Variants in ZNF536 observed in about 807,000 individuals in gnomAD.
The protein encoded by ZNF536 is zinc finger protein 536.
In ZNF536, 13 loss-of-function variants were observed where a neutral mutation model predicts 84.5. That is an observed-to-expected ratio of 0.15 (90% confidence interval 0.10 to 0.24). ZNF536 has a LOEUF of 0.24. Among genes scored for constraint, ZNF536 ranks in the 10% least tolerant of loss-of-function variants. The pLI, the probability that ZNF536 is intolerant of heterozygous loss-of-function variation, is 1.00. For synonymous variants in ZNF536, 811 were observed against 742.5 expected (o/e 1.09, Z -1.50); for missense variants, 1,536 against 1,747.5 (o/e 0.88, Z 2.16).
intron 3 of ZNF536, among the ~76,000 whole-genome samples, chr19:30,542,056 A>C (rs775741188): frequency 5.3e-5 from 8 of 152,232 alleles, no homozygotes; most frequent in Non-Finnish European, 1.0e-4. Flanking sequence ...ACAGGAAAAT[A>C]TTCAGTTGCT....
At chr19:30,443,043 G>GT (rs199802157) in intron 1 of ZNF536, among the ~76,000 whole-genome samples, 2,013 of 135,448 alleles carry the variant, frequency 0.015, 26 homozygotes, top group South Asian at 0.052. Context: ...TTTTTTGTTT[G>GT]TTTTTTTTTT....
chr19:30,471,588 C>T (rs568442489), intron 2 of ZNF536, among the ~76,000 whole-genome samples: 1 of 152,328 alleles, frequency 6.6e-6, no homozygotes, highest in Non-Finnish European at 1.5e-5. Flanking sequence ...GCCAGCTGTC[C>T]TTGATCCCTG....
intron 2 of ZNF536, among the ~76,000 whole-genome samples, chr19:30,466,731 G>A (rs1488874831): frequency 1.1e-3 from 140 of 123,870 alleles, no homozygotes; most frequent in African/African-American, 3.8e-3. Context: ...GAAGGAAGGA[G>A]GGAGGGAGGG....
intron 1 of ZNF536, among the ~76,000 whole-genome samples, chr19:30,414,025 G>A (rs528148220): frequency 1.7e-4 from 25 of 147,748 alleles, no homozygotes; most frequent in Admixed American, 4.1e-4. Context: ...TCTGGGAGGT[G>A]GAGGTTGCAG....
chr19:30,517,688 G>A (rs894608538), intron 2 of ZNF536, among the ~76,000 whole-genome samples: 2 of 152,106 alleles, frequency 1.3e-5, no homozygotes, highest in African/African-American at 2.4e-5. Flanking sequence ...AGGCTGACAC[G>A]GGAGGATTGT....
intron 2 of ZNF536, among the ~76,000 whole-genome samples, chr19:30,302,233 G>A (rs945546685): frequency 6.6e-6 from 1 of 152,208 alleles, no homozygotes; most frequent in Non-Finnish European, 1.5e-5. Flanking sequence ...GTGTTGCTCT[G>A]CTGCAAGTCC....
chr19:30,617,333 CTTTTTTTTTTTTTTTTTTTT>C (rs556835599), intron 1 of ZNF536, among the ~76,000 whole-genome samples: 2 of 37,710 alleles, frequency 5.3e-5, no homozygotes, highest in African/African-American at 1.4e-4. Flanking sequence ...GAATAGCTTA[CTTTTTTTTTTTTTTTTTTTT>C]TTTTTTTTTT....
intron 1 of ZNF536, among the ~76,000 whole-genome samples, chr19:30,593,894 G>T (rs1469944931): frequency 6.6e-6 from 1 of 152,210 alleles, no homozygotes; most frequent in Non-Finnish European, 1.5e-5. Flanking sequence ...ACTTTTCAAA[G>T]TAGAGCCTTG....
intron 1 of ZNF536, among the ~76,000 whole-genome samples, chr19:30,240,786 A>G (rs1291974874): frequency 2.6e-5 from 4 of 152,212 alleles, no homozygotes; most frequent in African/African-American, 7.2e-5. Context: ...GAATAGATGA[A>G]CAAGAAGTGA....
chr19:30,410,988 A>G (rs1443835938), intron 1 of ZNF536, among the ~76,000 whole-genome samples: 1 of 152,202 alleles, frequency 6.6e-6, no homozygotes, highest in Non-Finnish European at 1.5e-5. Flanking sequence ...AGATCTATTT[A>G]ATTCTCTTAA....
intron 1 of ZNF536, among the ~76,000 whole-genome samples, chr19:30,400,778 GGT>G (rs1377000259): frequency 1.3e-5 from 2 of 152,080 alleles, no homozygotes; most frequent in African/African-American, 4.8e-5. Flanking sequence ...TCAGATACAT[GGT>G]TTGCAAACAT....
At chr19:30,546,221 G>A (rs1488564052) in intron 3 of ZNF536, among the ~76,000 whole-genome samples, 2 of 152,194 alleles carry the variant, frequency 1.3e-5, no homozygotes, top group African/African-American at 4.8e-5. Context: ...TCTAACCTGG[G>A]ACTGACTCCA....
At chr19:30,246,708 T>TCCTG (rs2024300333) in intron 1 of ZNF536, among the ~76,000 whole-genome samples, 1 of 152,208 alleles carries the variant, frequency 6.6e-6, no homozygotes, top group African/African-American at 2.4e-5. Context: ...TAGAATGATC[T>TCCTG]CCTGTTGAAT....
intron 2 of ZNF536, among the ~76,000 whole-genome samples, chr19:30,474,960 CCTCT>C (rs1323911432): frequency 6.7e-6 from 1 of 149,458 alleles, no homozygotes; most frequent in Admixed American, 6.7e-5. Context: ...CCCTTCCCTT[CCTCT>C]CTCTCTCCTT....
intron 1 of ZNF536, among the ~76,000 whole-genome samples, chr19:30,404,930 C>G (rs539008274): frequency 1.4e-3 from 213 of 152,340 alleles, no homozygotes; most frequent in African/African-American, 4.8e-3. Context: ...ATGACCCCCT[C>G]TTTGGGTCCT....
rs537781499 is a variant in ZNF536 at position 30,447,883 on chromosome 19, G to A, written c.2170+2151G>A. Among the ~76,000 whole-genome samples the A allele has an allele frequency of 2.6e-5, 4 of 152,240 alleles. No individual in the cohort carries two copies. In the South Asian group the frequency reaches 8.3e-4, roughly 32 times the overall value. On this transcript the variant is annotated intron_variant, in intron 2 of 4. Coordinates refer to ENST00000355537, the MANE Select transcript of ZNF536 (RefSeq NM_014717.3). The stretch of plus-strand genomic sequence containing the variant: ...AGACCTCCTGAAATGTAAGGGTCTC[G>A]GCAGAATATTCTGACACCAAATGTT...
chr19:30,335,483 C>T (rs1321322264), intron 2 of ZNF536, among the ~76,000 whole-genome samples: 1 of 152,252 alleles, frequency 6.6e-6, no homozygotes, highest in Non-Finnish European at 1.5e-5. Flanking sequence ...CACGCCCACC[C>T]CTCTTCCCAG....
chr19:30,416,289 A>T (rs1390863746), intron 1 of ZNF536, among the ~76,000 whole-genome samples: 2 of 132,560 alleles, frequency 1.5e-5, no homozygotes, highest in African/African-American at 5.9e-5. Flanking sequence ...TGTCCTCTGA[A>T]TTTTTTTTTT....
chr19:30,659,494 A>G (rs1165729359), intron 1 of ZNF536, among the ~76,000 whole-genome samples: 1 of 152,036 alleles, frequency 6.6e-6, no homozygotes, highest in Admixed American at 6.5e-5. Context: ...AGCTACAGAT[A>G]AAGACATACC....
Sources: allele counts gnomAD v4.1 joint callset (sites outside exome capture counted in the v4.1 genomes callset), GRCh38; gene constraint gnomAD v4.1.1; transcripts MANE v1.5; gene names NCBI Gene and HGNC (gene_info 2026-07-23, HGNC 2026-07-21).